Variants in FARSB observed in about 807,000 individuals in gnomAD.
The protein encoded by FARSB is phenylalanyl-tRNA synthetase subunit beta, also known as phenylalanine--tRNA ligase beta subunit.
In FARSB, 40 loss-of-function variants were observed where a neutral mutation model predicts 69.6. That is an observed-to-expected ratio of 0.57 (90% CI 0.45 to 0.75). FARSB has a LOEUF of 0.75. Among genes scored for constraint, FARSB ranks in the 30% least tolerant of loss-of-function variants. The pLI is 0.00. For synonymous variants in FARSB, 235 were observed against 247.2 expected (o/e 0.95, Z 0.46); for missense variants, 632 against 722.9 (o/e 0.87, Z 1.44).
chr2:222,645,714 G>C (rs769041962), intron 2 of FARSB, among the ~76,000 whole-genome samples: 8 of 150,746 alleles, frequency 5.3e-5, no homozygotes, highest in Non-Finnish European at 1.0e-4. Flanking sequence ...TATTTTTCAA[G>C]TATTTTACCA....
chr2:222,637,324 A>G (rs1691608721), intron 5 of FARSB, among the ~76,000 whole-genome samples: 1 of 152,202 alleles, frequency 6.6e-6, no homozygotes, highest in African/African-American at 2.4e-5. Context: ...ACTCCCTGAG[A>G]GCAAGAGACA....
chr2:222,653,916 T>G (rs1692103897), intron 1 of FARSB, among the ~76,000 whole-genome samples: 1 of 152,112 alleles, frequency 6.6e-6, no homozygotes, highest in Non-Finnish European at 1.5e-5. Context: ...GCCATGTACC[T>G]GGACCTTAAA....
chr2:222,603,803 C>T (rs374332392), intron 15 of FARSB, among the ~76,000 whole-genome samples: 1 of 150,662 alleles, frequency 6.6e-6, no homozygotes, highest in Non-Finnish European at 1.5e-5. Context: ...CCAGAATTAA[C>T]TGACTGTAAA....
intron 5 of FARSB, among the ~76,000 whole-genome samples, chr2:222,638,155 A>G (rs1691633089): frequency 6.6e-6 from 1 of 152,372 alleles, no homozygotes; most frequent in Non-Finnish European, 1.5e-5. Flanking sequence ...AATAAATTTA[A>G]TAACTTAGAC....
rs144158400 is a variant in FARSB at position 222,608,614 on chromosome 2, A to T, written c.1462+5197T>A. On this transcript the variant is annotated intron_variant, in intron 15 of 16. Transcript: ENST00000281828. The stretch of plus-strand genomic sequence containing the variant: ...ATATTGTGACTAAAGTTTAAAAAAA[A>T]ATTCTGTATTTCTACATCCAAACTA... Among the ~76,000 whole-genome samples, 475 of 152,330 alleles carry T rather than the reference A, an allele frequency of 3.1e-3. 7 individuals carry two copies. The highest frequency in any genetic ancestry group is 0.021 in the Admixed American group (325 of 15,302).
At chr2:222,634,310 A>T in intron 6 of FARSB, 81 bp downstream of exon 6, 3 of 976,730 alleles carry the variant, frequency 3.1e-6, no homozygotes, top group Non-Finnish European at 4.5e-6. Flanking sequence ...TATTGATTAC[A>T]TTTCCCTAGT....
intron 16 of FARSB, among the ~76,000 whole-genome samples, chr2:222,584,914 A>G (rs1690068269): frequency 1.3e-5 from 2 of 152,212 alleles, no homozygotes. Context: ...ACATCTGGGG[A>G]CAGGGCATAG....
intron 15 of FARSB, among the ~76,000 whole-genome samples, chr2:222,606,043 T>C (rs1302184904): frequency 2.6e-5 from 4 of 152,156 alleles, no homozygotes; most frequent in Admixed American, 6.5e-5. Flanking sequence ...TAGATTTAAT[T>C]TTGCAATATT....
intron 16 of FARSB, among the ~76,000 whole-genome samples, chr2:222,578,180 G>T (rs75506338): frequency 0.037 from 5,657 of 152,202 alleles, 346 homozygotes; most frequent in African/African-American, 0.13. Context: ...AATATGTATA[G>T]AATATATTTA....
chr2:222,631,344 TTTGAAGTGAAGAGA>T (rs1377632622), intron 8 of FARSB, among the ~76,000 whole-genome samples: 3 of 152,208 alleles, frequency 2.0e-5, no homozygotes, highest in Admixed American at 2.0e-4. Context: ...CTAGGAGTTC[TTTGAAGTGAAGAGA>T]CATGTAACTC....
Position 222,619,704 on chromosome 2 carries a change from C to T in FARSB, c.1285G>A (p.Val429Met). 2.5e-6 allele frequency: 4 copies of T among 1,605,914 alleles called. No individual in the cohort carries two copies. Among genetic ancestry groups the T allele is most frequent in the Non-Finnish European group, 3.4e-6 (4 of 1,173,184 alleles). Residue 429 changes from valine (V) to methionine (M), a missense_variant, in exon 14 of 17, where the codon GTG (valine) becomes ATG (methionine). Transcript: ENST00000281828. ...ACTGCCTTTGTTGCAGAGATATCCACACCTAGTTTATCAGCAATATCTTCT... is the reference window on the plus strand; with the variant it reads ...ACTGCCTTTGTTGCAGAGATATCCATACCTAGTTTATCAGCAATATCTTCT... ...SQEDIADKLG[V>M]DISATKAVHI...
At chr2:222,575,290 G>T (rs1346673701) in intron 16 of FARSB, among the ~76,000 whole-genome samples, 1 of 152,226 alleles carries the variant, frequency 6.6e-6, no homozygotes, top group Non-Finnish European at 1.5e-5. Context: ...ATGAGTCTAG[G>T]CTTGTGAAAA....
chr2:222,627,105 T>C (rs889741493), intron 10 of FARSB, among the ~76,000 whole-genome samples: 1 of 152,142 alleles, frequency 6.6e-6, no homozygotes, highest in Non-Finnish European at 1.5e-5. Context: ...TCTAAAAAGC[T>C]ATGTCCAGCT....
At chr2:222,633,509 C>A (rs1409970271) in intron 6 of FARSB, among the ~76,000 whole-genome samples, 1 of 150,690 alleles carries the variant, frequency 6.6e-6, no homozygotes, top group Non-Finnish European at 1.5e-5. Flanking sequence ...ATGGAGAAAC[C>A]CCATCTCAAC....
intron 1 of FARSB, among the ~76,000 whole-genome samples, chr2:222,649,747 A>G (rs775491201): frequency 1.6e-4 from 24 of 152,244 alleles, no homozygotes; most frequent in Non-Finnish European, 1.0e-4. Context: ...ATAGTTTATT[A>G]GCAATTAATA....
intron 16 of FARSB, among the ~76,000 whole-genome samples, chr2:222,583,355 A>T (rs1212961472): frequency 6.6e-6 from 1 of 152,248 alleles, no homozygotes; most frequent in African/African-American, 2.4e-5. Flanking sequence ...ACTGGTAGCT[A>T]CAACCTTAAT....
At chr2:222,633,153 T>C (rs371758792) in intron 7 of FARSB, 46 bp downstream of exon 7, 2 of 950,966 alleles carry the variant, frequency 2.1e-6, no homozygotes, top group Non-Finnish European at 3.4e-6. Flanking sequence ...ATGCTGAAGA[T>C]TAAAAGGAAA....
intron 16 of FARSB, among the ~76,000 whole-genome samples, chr2:222,591,296 G>C (rs1226214680): frequency 1.3e-5 from 2 of 151,934 alleles, no homozygotes; most frequent in Admixed American, 6.6e-5. Flanking sequence ...TTTTAAGTCG[G>C]TGTTAATGAA....
intron 13 of FARSB, among the ~76,000 whole-genome samples, chr2:222,620,249 A>G (rs1474527471): frequency 6.6e-6 from 1 of 152,328 alleles, no homozygotes; most frequent in African/African-American, 2.4e-5. Flanking sequence ...GACTCTAGTC[A>G]GAAACTTTCT....
Sources: allele counts gnomAD v4.1 joint callset (sites outside exome capture counted in the v4.1 genomes callset), GRCh38; gene constraint gnomAD v4.1.1; transcripts MANE v1.5; gene names NCBI Gene and HGNC (gene_info 2026-07-23, HGNC 2026-07-21).